Variants in CUBN observed in about 807,000 individuals in gnomAD.
CUBN encodes the protein 460 kDa receptor.
Under a neutral mutation model 405.3 loss-of-function variants are expected in CUBN, and 282 were observed. The ratio of observed to expected loss-of-function variants is 0.70; its 90% confidence interval spans 0.63 to 0.77. The LOEUF is 0.77. CUBN is among the 30% of genes least tolerant of loss of function. CUBN has a pLI of 0.00. For missense variants in CUBN, 4,514 were observed against 4,475.2 expected (o/e 1.01, Z -0.25); for synonymous variants, 1,684 against 1,617.0 (o/e 1.04, Z -0.99).
chr10:17,074,710 G>C (rs1343994537), intron 17 of CUBN, among the ~76,000 whole-genome samples: 2 of 152,202 alleles, frequency 1.3e-5, no homozygotes, highest in African/African-American at 4.8e-5. Context: ...TTGGGGTCCA[G>C]ACAATCAACT....
intron 14 of CUBN, among the ~76,000 whole-genome samples, chr10:17,090,985 A>G (rs796702854): frequency 7.9e-5 from 12 of 152,304 alleles, no homozygotes; most frequent in African/African-American, 2.6e-4. Flanking sequence ...CCCAGTACCA[A>G]TAGCCATCCG....
intron 55 of CUBN, 93 bp downstream of exon 55, chr10:16,890,278 C>CT (rs1486527549): frequency 1.6e-6 from 2 of 1,244,474 alleles, no homozygotes; most frequent in African/African-American, 3.0e-5. Flanking sequence ...CCCCATACTC[C>CT]TCCCCTAGAC....
Position 16,835,276 on chromosome 10 carries a change from G to C in CUBN, c.10181-81C>G, listed in dbSNP as rs148314512. ...CAACTTCACAGGAATCATTCAAAAA[G>C]ATCATTGCATTTGATAAACTTTAGA... is the stretch of plus-strand genomic sequence containing the variant. On this transcript the variant is annotated intron_variant, in intron 63 of 66. Coordinates refer to ENST00000377833, the MANE Select transcript of CUBN (RefSeq NM_001081.4). 7,482 of 1,211,104 alleles carry C rather than the reference G, an allele frequency of 6.2e-3. 32 individuals are homozygous for C. The highest frequency in any genetic ancestry group is 0.02 in the Middle Eastern group (102 of 5,230). 75.0% of individuals were successfully genotyped at this position (1,211,104 alleles called of 1,614,324 possible).
Position 17,088,270 on chromosome 10 carries a change from C to T in CUBN, c.1841G>A (p.Arg614Lys). Residue 614 changes from arginine to lysine, a missense_variant, in exon 15 of 67, where the codon AGA becomes AAA. Physicochemically the swap from Arg to Lys is conservative, Grantham distance 26 (BLOSUM62 2). Coordinates refer to ENST00000377833, the MANE Select transcript of CUBN (RefSeq NM_001081.4). Reference sequence around the variant, plus strand: ...AGTTACAACAATCCAGACACAATCTCTTCCTGGGGGATAGTTTCCAGGATA... The same window carrying T: ...AGTTACAACAATCCAGACACAATCTTTTCCTGGGGGATAGTTTCCAGGATA... ...PGYPGNYPPG[R>K]DCVWIVVTSP... The T allele has an allele frequency of 1.9e-6, 3 of 1,613,756 alleles. No homozygotes were observed. The highest frequency in any genetic ancestry group is 2.5e-6 in the Non-Finnish European group (3 of 1,179,654).
At chr10:17,053,865 G>A (rs1429419667) in intron 22 of CUBN, among the ~76,000 whole-genome samples, 2 of 152,010 alleles carry the variant, frequency 1.3e-5, no homozygotes, top group Non-Finnish European at 2.9e-5. Flanking sequence ...AACTTAGAAA[G>A]TATATCATTT....
chr10:17,116,358 T>C (rs1229906827), intron 6 of CUBN, among the ~76,000 whole-genome samples: 1 of 152,220 alleles, frequency 6.6e-6, no homozygotes, highest in Non-Finnish European at 1.5e-5. Flanking sequence ...GATCTGAGCA[T>C]GGGAGCTAGG....
In CUBN at chr10:17,053,028, C is replaced by T. The variant is rs575805864; in HGVS notation, c.3140-5425G>A. Among the ~76,000 whole-genome samples the T allele has an allele frequency of 5.3e-5, 8 of 151,144 alleles. No individual in the cohort carries two copies. The South Asian group carries it at 1.7e-3, about 32-fold the overall frequency. On this transcript the variant is annotated intron_variant, in intron 22 of 66. Coordinates refer to ENST00000377833, the MANE Select transcript of CUBN (RefSeq NM_001081.4). ...CAGCTGCATATTAACTCTAAGAAAA[C>T]TTGCTTATAAGTTAAGGAGTATATT... is the stretch of plus-strand genomic sequence containing the variant.
chr10:16,829,674 T>C (rs548489400), intron 65 of CUBN, among the ~76,000 whole-genome samples: 2 of 152,336 alleles, frequency 1.3e-5, no homozygotes, highest in Non-Finnish European at 2.9e-5. Flanking sequence ...TCTGTGGAGA[T>C]CCAGGTCATC....
chr10:17,128,114 T>C (rs932462300), intron 2 of CUBN, among the ~76,000 whole-genome samples, 190 bp from the exon 3 acceptor site: 1 of 152,208 alleles, frequency 6.6e-6, no homozygotes, highest in African/African-American at 2.4e-5. Flanking sequence ...ATAATTCCAC[T>C]TATCCTTTTC....
chr10:16,875,834 A>G (rs1840482510), intron 57 of CUBN, among the ~76,000 whole-genome samples: 1 of 152,370 alleles, frequency 6.6e-6, no homozygotes, highest in African/African-American at 2.4e-5. Flanking sequence ...AGAAGAATAT[A>G]AAGCAGGAGT....
At chr10:17,008,847 G>A (rs931757070) in intron 28 of CUBN, among the ~76,000 whole-genome samples, 16 of 152,112 alleles carry the variant, frequency 1.1e-4, no homozygotes, top group African/African-American at 3.9e-4. Flanking sequence ...AGGCCTGCTG[G>A]TCTGAGTCAC....
Position 17,041,191 on chromosome 10 carries a change from T to C in CUBN, c.3859A>G (p.Thr1287Ala). ...CCTATACTCTCTAAGATGCCATAGG[T>C]TTGATTGACTATTACCACATTCTCA... ...TCENVVIVNQ[T>A]YGILESIGYP... Residue 1287 changes from threonine to alanine, a missense_variant, in exon 27 of 67, where the codon ACC becomes GCC. Around this residue, in one of 5 missense-constraint regions of CUBN, gnomAD observed 242 missense variants for 309.0 expected, o/e 0.78. Coordinates refer to ENST00000377833, the MANE Select transcript of CUBN (RefSeq NM_001081.4). The C allele has an allele frequency of 6.2e-7, 1 of 1,613,674 alleles. No individual in the cohort carries two copies. Among genetic ancestry groups the C allele is most frequent in the African/African-American group, 1.3e-5 (1 of 75,008 alleles).
intron 28 of CUBN, among the ~76,000 whole-genome samples, chr10:17,015,039 G>A (rs1834290541): frequency 6.6e-6 from 1 of 152,222 alleles, no homozygotes; most frequent in Admixed American, 6.5e-5. Context: ...ATGAGTCCAA[G>A]ATCCTGCACT....
chr10:16,847,320 C>T (rs559106476), intron 60 of CUBN, among the ~76,000 whole-genome samples: 14 of 151,706 alleles, frequency 9.2e-5, no homozygotes, highest in Non-Finnish European at 7.4e-5. Flanking sequence ...GGTGTGGTGG[C>T]GGGCGCCTGT....
chr10:16,831,404 C>T lies in CUBN; in HGVS notation c.10376G>A (p.Ser3459Asn). The change falls in exon 65 of 67, where the codon AGT (serine) becomes AAT (asparagine). Residue 3459 changes from serine to asparagine, a missense_variant. Around this residue, in one of 5 missense-constraint regions of CUBN, gnomAD observed 1,186 missense variants for 1,186.9 expected, o/e 1.00. Coordinates refer to ENST00000377833, the MANE Select transcript of CUBN (RefSeq NM_001081.4). ...GCCCAGTAATGGTGAATTGCTGTTA[C>T]TTCCATTTCTCACCTTTAGGAAGGA... is the stretch of plus-strand genomic sequence containing the variant. ...RNDFLEVRNG[S>N]NSNSPLLGKY... 1 of 1,613,750 alleles carries T rather than the reference C, an allele frequency of 6.2e-7. No homozygotes were observed. Among genetic ancestry groups the T allele is most frequent in the Non-Finnish European group, 8.5e-7 (1 of 1,179,642 alleles).
intron 62 of CUBN, among the ~76,000 whole-genome samples, chr10:16,838,452 C>T (rs117541916): frequency 1.4e-3 from 216 of 152,308 alleles, no homozygotes; most frequent in Non-Finnish European, 2.8e-3. Context: ...ATCCTCAGTT[C>T]GTGGCCAATC....
chr10:17,053,691 T>C (rs985799777), intron 22 of CUBN, among the ~76,000 whole-genome samples: 8 of 152,218 alleles, frequency 5.3e-5, no homozygotes, highest in Middle Eastern at 6.8e-3. Flanking sequence ...AATAGGGGTA[T>C]AGAAAATCTG....
chr10:17,122,556 G>A (rs534388637), intron 6 of CUBN: 137 of 563,538 alleles, frequency 2.4e-4, no homozygotes, highest in Middle Eastern at 2.2e-3. Flanking sequence ...GCCTTCTTCC[G>A]GTTCCTTGGG....
chr10:17,116,009 A>G (rs1325448749), intron 6 of CUBN, among the ~76,000 whole-genome samples: 1 of 152,228 alleles, frequency 6.6e-6, no homozygotes, highest in East Asian at 1.9e-4. Context: ...GGCTACACTG[A>G]TAACTCTGAA....
Sources: allele counts gnomAD v4.1 joint callset (sites outside exome capture counted in the v4.1 genomes callset), GRCh38; gene constraint gnomAD v4.1.1; regional missense constraint gnomAD v4.1.1; transcripts MANE v1.5; gene names NCBI Gene and HGNC (gene_info 2026-07-23, HGNC 2026-07-21).